SIGLEC14: variants seen among roughly 807,000 people sequenced by gnomAD.
SIGLEC14 encodes sialic acid-binding Ig-like lectin 14.
Under a neutral mutation model 34.2 loss-of-function variants are expected in SIGLEC14, and 11 were observed. The ratio of observed to expected loss-of-function variants is 0.32; its 90% CI spans 0.20 to 0.53. SIGLEC14 has a LOEUF of 0.53. Among genes scored for constraint, SIGLEC14 ranks in the 20% least tolerant of loss-of-function variants. The probability of loss-of-function intolerance (pLI) is 0.95; values close to 1 mark genes in which losing one functional copy is unlikely to be tolerated. For synonymous variants in SIGLEC14, 99 were observed against 179.7 expected (o/e 0.55, Z 3.59); for missense variants, 264 against 439.0 (o/e 0.60, Z 3.56).
In SIGLEC14 at chr19:51,645,619, CCCACCAGGTG is replaced by C. The variant is rs1310465948; in HGVS notation, c.701-99_701-90del. On this transcript the variant is annotated intron_variant, in intron 3 of 6. Coordinates refer to ENST00000360844, the MANE Select transcript of SIGLEC14 (RefSeq NM_001098612.3). ...GGGACCCAAGGAGGGGCCACAGAAACCCACCAGGTGGGGACCGCTGTCCTTCCTGCCCACA... is the reference window on the plus strand; with the variant it reads ...GGGACCCAAGGAGGGGCCACAGAAACGGGACCGCTGTCCTTCCTGCCCACA... 3.8e-5 allele frequency: 55 copies of C among 1,459,764 alleles called. 8 individuals carry two copies. The highest frequency in any genetic ancestry group is 7.4e-6 in the Non-Finnish European group (8 of 1,079,920). 90.4% of individuals were successfully genotyped at this position (1,459,764 alleles called of 1,614,324 possible).
intron 2 of SIGLEC14, 98 bp from the exon 3 acceptor site, chr19:51,646,158 G>T: frequency 2.4e-6 from 2 of 848,330 alleles, no homozygotes; most frequent in Middle Eastern, 5.4e-4. Flanking sequence ...CCTGCCCCAA[G>T]TCCTACACCT....
rs1380456955 is a variant in SIGLEC14, at chr19:51,646,121, C to T, written c.422-61G>A. 6.2e-6 allele frequency: 5 copies of T among 806,130 alleles called. 1 individual carries two copies. Among genetic ancestry groups the T allele is most frequent in the Non-Finnish European group, 7.1e-6 (4 of 563,914 alleles). 49.9% of individuals were successfully genotyped at this position (806,130 alleles called of 1,614,324 possible). On this transcript the variant is annotated intron_variant, in intron 2 of 6. Transcript: ENST00000360844. ...GGCTTGAGGACGTAAGGTGTGACCCCGAGAGTGGCCAGGCCTCAGGCCCCG... is the reference window on the plus strand; with the variant it reads ...GGCTTGAGGACGTAAGGTGTGACCCTGAGAGTGGCCAGGCCTCAGGCCCCG...
At position 51,642,948 on chromosome 19, in the gene SIGLEC14, CCA is replaced by C. The variant is rs1983935668; in HGVS notation, c.*405_*406del. On this transcript the variant is annotated 3_prime_UTR_variant, in exon 7 of 7. Coordinates refer to ENST00000360844, the MANE Select transcript of SIGLEC14 (RefSeq NM_001098612.3). ...CTGAGGCAGGAGAATTGCTTGAACC[CCA>C]GAGGTGGAGGTTGCAGTGAACGGAG... 6.6e-6 allele frequency: 1 copy of C among 151,128 alleles called. No homozygotes were observed. Among genetic ancestry groups the C allele is most frequent in the Non-Finnish European group, 1.3e-5 (1 of 79,256 alleles). The allele number at this position is 151,128 out of a possible 1,614,324, so 9.4% of individuals were successfully genotyped here.
In SIGLEC14 at chr19:51,644,678, C is replaced by T. The variant is rs896198258; in HGVS notation, c.755-642G>A. ...AAGTAAAGGTGTTAAGACTTGCGGA[C>T]TCATGAAACAGCTGATGAGAAAGGG... is the stretch of plus-strand genomic sequence containing the variant. On this transcript the variant is annotated intron_variant, in intron 4 of 6. Coordinates refer to ENST00000360844, the MANE Select transcript of SIGLEC14 (RefSeq NM_001098612.3). Among the ~76,000 whole-genome samples the T allele has an allele frequency of 2.3e-4, 31 of 137,506 alleles. 4 individuals are homozygous for T. Among genetic ancestry groups the T allele is most frequent in the African/African-American group, 6.7e-4 (24 of 35,992 alleles). The allele number at this position is 137,506 out of a possible 152,430, so 90.2% of individuals were successfully genotyped here.
Position 51,646,801 on chromosome 19 carries a change from T to C in SIGLEC14, c.-42A>G. 1.8e-6 allele frequency: 1 copy of C among 553,956 alleles called. No individual in the cohort carries two copies. Among genetic ancestry groups the C allele is most frequent in the Non-Finnish European group, 3.2e-6 (1 of 317,234 alleles). The allele number at this position is 553,956 out of a possible 1,614,324, so 34.3% of individuals were successfully genotyped here. A position where few individuals can be genotyped will look rare whatever the true frequency, so the allele number is the denominator to read the frequency against. ...GCCCCAGCCCAGTCCCAGGTCCGGC[T>C]GTCAGGGAAGGAAATGCTCCAAATG... On this transcript the variant is annotated 5_prime_UTR_variant, in exon 1 of 7. Coordinates refer to ENST00000360844, the MANE Select transcript of SIGLEC14 (RefSeq NM_001098612.3).
Position 51,639,558 on chromosome 19 carries a change from G to A in SIGLEC14, c.*3797C>T, listed in dbSNP as rs1466198312. The A allele has an allele frequency of 7.2e-6, 1 of 139,700 alleles. No individual in the cohort carries two copies. The highest frequency in any genetic ancestry group is 6.9e-5 in the Admixed American group (1 of 14,450). 8.7% of individuals were successfully genotyped at this position (139,700 alleles called of 1,614,324 possible). On this transcript the variant is annotated 3_prime_UTR_variant, in exon 7 of 7. Coordinates refer to ENST00000360844, the MANE Select transcript of SIGLEC14 (RefSeq NM_001098612.3). The stretch of plus-strand genomic sequence containing the variant: ...AGATCAAGGTGCCAGCGGATTCAGT[G>A]TCTGGAGAGAATTATTTGCTTCCCA...
intron 2 of SIGLEC14, 67 bp from the exon 3 acceptor site, chr19:51,646,127 T>C (rs1984036749): frequency 5.0e-6 from 4 of 792,708 alleles, no homozygotes; most frequent in Non-Finnish European, 7.3e-6. Context: ...ACCCCGAGAG[T>C]GGCCAGGCCT....
rs1983947795 is a variant in SIGLEC14 at position 51,643,249 on chromosome 19, T to G, written c.*106A>C. On this transcript the variant is annotated 3_prime_UTR_variant, in exon 7 of 7. Transcript: ENST00000360844. Reference sequence around the variant, plus strand: ...TATGGGGCAGGAAGGAAAAGAGGGGTAGTCAGTGGGATGTGAGCTTCCAGA... The same window carrying G: ...TATGGGGCAGGAAGGAAAAGAGGGGGAGTCAGTGGGATGTGAGCTTCCAGA... 1 of 1,080,084 alleles carries G rather than the reference T, an allele frequency of 9.3e-7. No homozygotes were observed. Among genetic ancestry groups the G allele is most frequent in the Non-Finnish European group, 1.3e-6 (1 of 752,212 alleles). 66.9% of individuals were successfully genotyped at this position (1,080,084 alleles called of 1,614,324 possible).
Position 51,643,152 on chromosome 19 carries a change from G to C in SIGLEC14, c.*203C>G. 1.9e-6 allele frequency: 1 copy of C among 527,202 alleles called. No individual in the cohort carries two copies. The highest frequency in any genetic ancestry group is 3.3e-6 in the Non-Finnish European group (1 of 302,812). 32.7% of individuals were successfully genotyped at this position (527,202 alleles called of 1,614,324 possible). ...GGGAAGAGAAGGGCAGGTGGAGAGG[G>C]GATGGGGTGCAGATGGGGATGCAGG... On this transcript the variant is annotated 3_prime_UTR_variant, in exon 7 of 7. Transcript: ENST00000360844.
In SIGLEC14 at chr19:51,642,370, T is replaced by C. The variant is rs1397094507; in HGVS notation, c.*985A>G. On this transcript the variant is annotated 3_prime_UTR_variant, in exon 7 of 7. Transcript: ENST00000360844. Reference sequence around the variant, plus strand: ...TTCCAGTTATACGATGCACAGAACCTGACAATACAGGTATTGCCTTCTTGT... The same window carrying C: ...TTCCAGTTATACGATGCACAGAACCCGACAATACAGGTATTGCCTTCTTGT... Among the ~76,000 whole-genome samples the C allele has an allele frequency of 1.4e-5, 2 of 138,758 alleles. No homozygotes were observed. The highest frequency in any genetic ancestry group is 5.5e-5 in the African/African-American group (2 of 36,506). 91.0% of individuals were successfully genotyped at this position (138,758 alleles called of 152,430 possible).
chr19:51,641,830 A>G lies in SIGLEC14; in HGVS notation c.*1525T>C, dbSNP rs984022441. Among the ~76,000 whole-genome samples the G allele has an allele frequency of 7.2e-5, 10 of 138,972 alleles. 1 individual carries two copies. Among genetic ancestry groups the G allele is most frequent in the African/African-American group, 2.2e-4 (8 of 36,504 alleles). The allele number at this position is 138,972 out of a possible 152,430, so 91.2% of individuals were successfully genotyped here. On this transcript the variant is annotated 3_prime_UTR_variant, in exon 7 of 7. Transcript: ENST00000360844. ...GGAGGAGGGAGAGGATGAGGAAAAT[A>G]ACTAATGGGTACTAGGCTTAATATC...
At position 51,640,228 on chromosome 19, in the gene SIGLEC14, GA is replaced by G. The variant is rs985029536; in HGVS notation, c.*3126del. On this transcript the variant is annotated 3_prime_UTR_variant, in exon 7 of 7. Coordinates refer to ENST00000360844, the MANE Select transcript of SIGLEC14 (RefSeq NM_001098612.3). ...TTACAAGTTATAAGCTTTGAATGGG[GA>G]AAAAAAACTACTTGGGAAATGGGAT... Among the ~76,000 whole-genome samples, 4 of 138,628 alleles carry G rather than the reference GA, an allele frequency of 2.9e-5. No individual in the cohort carries two copies. The highest frequency in any genetic ancestry group is 4.9e-4 in the South Asian group (2 of 4,076). The allele number at this position is 138,628 out of a possible 152,430, so 90.9% of individuals were successfully genotyped here.
intron 3 of SIGLEC14, 91 bp from the exon 4 acceptor site, chr19:51,645,621 C>A: frequency 6.9e-7 from 1 of 1,458,990 alleles, no homozygotes; most frequent in Non-Finnish European, 9.3e-7. Flanking sequence ...CACAGAAACC[C>A]ACCAGGTGGG....
intron 6 of SIGLEC14, 52 bp downstream of exon 6, chr19:51,643,485 T>TC: frequency 8.3e-7 from 1 of 1,208,676 alleles, no homozygotes. Flanking sequence ...GCAGGACAGC[T>TC]CAGCCCCACC....
chr19:51,642,624 T>C lies in SIGLEC14; in HGVS notation c.*731A>G, dbSNP rs1308973324. ...CTTATTTTGTAACAATTGTATTGGA[T>C]AATAATCACAATGAGGTAGAGTTTT... On this transcript the variant is annotated 3_prime_UTR_variant, in exon 7 of 7. Transcript: ENST00000360844. The C allele has an allele frequency of 7.2e-6, 1 of 139,178 alleles. No homozygotes were observed. Among genetic ancestry groups the C allele is most frequent in the African/African-American group, 2.7e-5 (1 of 36,636 alleles). The allele number at this position is 139,178 out of a possible 1,614,324, so 8.6% of individuals were successfully genotyped here.
chr19:51,645,449 G>T, intron 4 of SIGLEC14, 28 bp downstream of exon 4: 1 of 1,514,856 alleles, frequency 6.6e-7, no homozygotes, highest in Non-Finnish European at 8.9e-7. Context: ...TCCCATCACA[G>T]CCCCAGAGGG....
At chr19:51,643,471 T>G (rs1319928797) in intron 6 of SIGLEC14, 66 bp downstream of exon 6, 15 of 1,197,024 alleles carry the variant, frequency 1.3e-5, no homozygotes, top group East Asian at 1.3e-4. Context: ...TGAGCTGTCC[T>G]GGGGCAGGAC....
At chr19:51,644,547 G>A (rs1413949397) in intron 4 of SIGLEC14, among the ~76,000 whole-genome samples, 2 of 137,786 alleles carry the variant, frequency 1.5e-5, no homozygotes, top group East Asian at 6.8e-4. Flanking sequence ...AAGTGGGATA[G>A]GAGGCAGGGA....
Position 51,644,617 on chromosome 19 carries a change from G to C in SIGLEC14, c.755-581C>G, listed in dbSNP as rs766383365. ...GAGCACGAGACTTGAGCTGGGCCTGGAACCAAGGGGATGAGGAGGGAAGTG... is the reference window on the plus strand; with the variant it reads ...GAGCACGAGACTTGAGCTGGGCCTGCAACCAAGGGGATGAGGAGGGAAGTG... On this transcript the variant is annotated intron_variant, in intron 4 of 6. Coordinates refer to ENST00000360844, the MANE Select transcript of SIGLEC14 (RefSeq NM_001098612.3). Among the ~76,000 whole-genome samples the C allele has an allele frequency of 3.6e-4, 49 of 136,868 alleles. 11 individuals carry two copies. Among genetic ancestry groups the C allele is most frequent in the Non-Finnish European group, 6.8e-4 (44 of 64,370 alleles). 89.8% of individuals were successfully genotyped at this position (136,868 alleles called of 152,430 possible).
Sources: allele counts gnomAD v4.1 joint callset (sites outside exome capture counted in the v4.1 genomes callset), GRCh38; gene constraint gnomAD v4.1.1; transcripts MANE v1.5; gene names NCBI Gene and HGNC (gene_info 2026-07-23, HGNC 2026-07-21).